SIM1: variants seen among roughly 807,000 people sequenced by gnomAD.
SIM1 encodes single-minded homolog 1.
A neutral mutation model predicts 78.2 loss-of-function variants in SIM1; 18 were observed. The ratio of observed to expected loss-of-function variants is 0.23; its 90% CI spans 0.16 to 0.34. The LOEUF is 0.34. SIM1 is among the 10% of genes least tolerant of loss of function. The probability of loss-of-function intolerance (pLI) is 1.00; values close to 1 mark genes in which losing one functional copy is unlikely to be tolerated. For missense variants in SIM1, 939 were observed against 975.1 expected (o/e 0.96, Z 0.49); for synonymous variants, 417 against 385.2 (o/e 1.08, Z -0.97).
At chr6:100,392,195 ATATT>A (rs1770660188) in intron 11 of SIM1, among the ~76,000 whole-genome samples, 1 of 152,202 alleles carries the variant, frequency 6.6e-6, no homozygotes, top group Non-Finnish European at 1.5e-5. Context: ...TTTTTAGACA[ATATT>A]TATAATTTTA....
At chr6:100,425,353 TC>T (rs1441418457) in intron 9 of SIM1, among the ~76,000 whole-genome samples, 9 of 152,172 alleles carry the variant, frequency 5.9e-5, no homozygotes, top group Admixed American at 2.0e-4. Flanking sequence ...CTTTTTAGCT[TC>T]TAAAATCTAT....
At chr6:100,404,225 T>C (rs1562236093) in intron 10 of SIM1, among the ~76,000 whole-genome samples, 1 of 152,108 alleles carries the variant, frequency 6.6e-6, no homozygotes, top group Non-Finnish European at 1.5e-5. Context: ...TTCAACAGCA[T>C]GTTCCAGACA....
At position 100,387,929 on chromosome 6, in the gene SIM1, T is replaced by G. The variant is rs536746024; in HGVS notation, c.*2432A>C. 1.3e-5 allele frequency: 2 copies of G among 152,112 alleles called. No homozygotes were observed. The highest frequency in any genetic ancestry group is 4.8e-5 in the African/African-American group (2 of 41,450). 9.4% of individuals were successfully genotyped at this position (152,112 alleles called of 1,614,324 possible). On this transcript the variant is annotated 3_prime_UTR_variant, in exon 12 of 12. Transcript: ENST00000369208. ...TCCCTGGCACATTTGGTAGAATATA[T>G]AGCCACCAGAAATACCCATCTGTGA...
chr6:100,458,991 G>A (rs1772764840), intron 2 of SIM1, among the ~76,000 whole-genome samples: 1 of 152,222 alleles, frequency 6.6e-6, no homozygotes, highest in Non-Finnish European at 1.5e-5. Flanking sequence ...TCATTTTCCT[G>A]AGAAATACCT....
chr6:100,453,752 G>C lies in SIM1; in HGVS notation c.258+10C>G. 6.2e-7 allele frequency: 1 copy of C among 1,606,144 alleles called. No homozygotes were observed. The highest frequency in any genetic ancestry group is 2.3e-5 in the East Asian group (1 of 44,208). On this transcript the variant is annotated intron_variant, in intron 3 of 11. Coordinates refer to ENST00000369208, the MANE Select transcript of SIM1 (RefSeq NM_005068.3). ...AAGCTTATGTGTTGCCGGAAGACCT[G>C]CACCTGTACCTGGAGCAGATGGGAG...
chr6:100,408,108 T>C (rs145580487), intron 10 of SIM1, among the ~76,000 whole-genome samples: 6 of 152,240 alleles, frequency 3.9e-5, no homozygotes, highest in Non-Finnish European at 5.9e-5. Flanking sequence ...AACTATATAG[T>C]TTCAGGCCTT....
intron 6 of SIM1, 97 bp from the exon 7 acceptor site, chr6:100,448,775 C>G: frequency 4.4e-6 from 5 of 1,132,016 alleles, no homozygotes; most frequent in African/African-American, 1.5e-5. Flanking sequence ...TCTGCTTAGC[C>G]CCAAAGCAGT....
chr6:100,453,897 G>C, intron 2 of SIM1, 53 bp from the exon 3 acceptor site: 1 of 1,409,716 alleles, frequency 7.1e-7, no homozygotes, highest in Non-Finnish European at 9.8e-7. Flanking sequence ...CTGACAGGCA[G>C]TTTGGGACCA....
At chr6:100,406,383 C>T (rs780108615) in intron 10 of SIM1, among the ~76,000 whole-genome samples, 5 of 152,182 alleles carry the variant, frequency 3.3e-5, no homozygotes, top group Admixed American at 2.0e-4. Context: ...TGGTCTTCTA[C>T]TGCTTTATTC....
chr6:100,454,219 T>C (rs1772587753), intron 2 of SIM1, among the ~76,000 whole-genome samples: 1 of 152,140 alleles, frequency 6.6e-6, no homozygotes, highest in Non-Finnish European at 1.5e-5. Flanking sequence ...GTTTTCATCG[T>C]CATCCGTTTC....
chr6:100,463,620 T>G lies in SIM1; in HGVS notation c.-152A>C. On this transcript the variant is annotated 5_prime_UTR_variant, in exon 2 of 12. Transcript: ENST00000369208. ...AGTATTTGCACCAAGAACAGTGTAT[T>G]GATGGCAGTAAAAGACCAGCGGGGG... is the stretch of plus-strand genomic sequence containing the variant. 1.5e-6 allele frequency: 1 copy of G among 682,334 alleles called. No homozygotes were observed. The highest frequency in any genetic ancestry group is 2.5e-5 in the Admixed American group (1 of 39,982). 42.3% of individuals were successfully genotyped at this position (682,334 alleles called of 1,614,324 possible).
intron 9 of SIM1, among the ~76,000 whole-genome samples, chr6:100,445,243 C>T (rs1044681865): frequency 3.3e-5 from 5 of 152,206 alleles, no homozygotes; most frequent in African/African-American, 9.6e-5. Context: ...GCAATTTCCA[C>T]ATTTGCAGCT....
chr6:100,417,628 T>C (rs567559581), intron 10 of SIM1, among the ~76,000 whole-genome samples: 1 of 152,314 alleles, frequency 6.6e-6, no homozygotes, highest in East Asian at 1.9e-4. Context: ...GACTTCTAAG[T>C]TGCTTCTTCC....
chr6:100,444,108 C>G (rs546381812), intron 9 of SIM1, among the ~76,000 whole-genome samples: 25 of 131,138 alleles, frequency 1.9e-4, no homozygotes, highest in African/African-American at 6.0e-4. Context: ...ATTAGGTGTT[C>G]TACATTTTCT....
intron 2 of SIM1, among the ~76,000 whole-genome samples, chr6:100,454,454 T>TGG (rs1562257896): frequency 2.6e-4 from 40 of 152,120 alleles, no homozygotes; most frequent in African/African-American, 8.7e-4. Context: ...GTTCAACCCA[T>TGG]CTTCCTATTC....
rs1282900472 is a variant in SIM1 at position 100,386,280 on chromosome 6, C to T, written c.*4081G>A. 1 of 151,920 alleles carries T rather than the reference C, an allele frequency of 6.6e-6. No homozygotes were observed. Among genetic ancestry groups the T allele is most frequent in the Admixed American group, 6.6e-5 (1 of 15,240 alleles). 9.4% of individuals were successfully genotyped at this position (151,920 alleles called of 1,614,324 possible). A position where few individuals can be genotyped will look rare whatever the true frequency, so the allele number is the denominator to read the frequency against. On this transcript the variant is annotated 3_prime_UTR_variant, in exon 12 of 12. Coordinates refer to ENST00000369208, the MANE Select transcript of SIM1 (RefSeq NM_005068.3). ...TAAAGTGTAAGCTATTCCACTAGGCCAGGTGAGTGACCCCAAAATGGTCAA... is the reference window on the plus strand; with the variant it reads ...TAAAGTGTAAGCTATTCCACTAGGCTAGGTGAGTGACCCCAAAATGGTCAA...
chr6:100,424,153 C>T (rs1367197812), intron 9 of SIM1, among the ~76,000 whole-genome samples: 1 of 144,176 alleles, frequency 6.9e-6, no homozygotes, highest in Non-Finnish European at 1.5e-5. Context: ...AGAAATACTT[C>T]AAATTAAATA....
chr6:100,429,882 C>T (rs138208498), intron 9 of SIM1, among the ~76,000 whole-genome samples: 1 of 152,222 alleles, frequency 6.6e-6, no homozygotes, highest in African/African-American at 2.4e-5. Context: ...CAAGGTTCAG[C>T]TCCTCAGGTA....
chr6:100,390,680 G>C lies in SIM1; in HGVS notation c.1982C>G (p.Pro661Arg). The change falls in exon 12 of 12, where the codon CCC becomes CGC. Residue 661 changes from proline (P) to arginine (R), a missense_variant. By Grantham distance (103) the Pro-to-Arg change is moderately radical. Transcript: ENST00000369208. ...SPTALSRISS[P>R]NSDRISKSSL... ...GGATTTTGAAATGCGATCCGAATTGGGACTACTTATCCGAGATAGTGCGGT... is the reference window on the plus strand; with the variant it reads ...GGATTTTGAAATGCGATCCGAATTGCGACTACTTATCCGAGATAGTGCGGT... 1 of 1,614,052 alleles carries C rather than the reference G, an allele frequency of 6.2e-7. No homozygotes were observed. The highest frequency in any genetic ancestry group is 8.5e-7 in the Non-Finnish European group (1 of 1,180,030).
Sources: allele counts gnomAD v4.1 joint callset (sites outside exome capture counted in the v4.1 genomes callset), GRCh38; gene constraint gnomAD v4.1.1; transcripts MANE v1.5; gene names NCBI Gene and HGNC (gene_info 2026-07-23, HGNC 2026-07-21).